PTGES3: variants seen among roughly 807,000 people sequenced by gnomAD.
PTGES3 encodes prostaglandin E synthase 3.
Under a neutral mutation model 29.9 loss-of-function variants are expected in PTGES3, and 5 were observed. The ratio of observed to expected loss-of-function variants is 0.17; its 90% CI spans 0.09 to 0.35. The LOEUF is 0.35. Among genes scored for constraint, PTGES3 ranks in the 10% least tolerant of loss-of-function variants. The pLI is 1.00. For missense variants in PTGES3, 128 were observed against 190.0 expected, an observed-to-expected ratio of 0.67 and a Z score of 1.92; for synonymous variants, 49 against 57.8, an observed-to-expected ratio of 0.85 and a Z score of 0.69.
intron 4 of PTGES3, among the ~76,000 whole-genome samples, 191 bp downstream of exon 4, chr12:56,671,558 C>G (rs1268530306): frequency 1.3e-5 from 2 of 152,160 alleles, no homozygotes; most frequent in Non-Finnish European, 2.9e-5. Flanking sequence ...ACAAAAGATT[C>G]TACACCAGTT....
intron 1 of PTGES3, among the ~76,000 whole-genome samples, chr12:56,674,816 A>T (rs1205574129): frequency 1.0e-5 from 1 of 99,584 alleles, no homozygotes; most frequent in Non-Finnish European, 2.0e-5. Context: ...ACAGAGCAAG[A>T]CTCCATCTCA....
chr12:56,676,920 CAAAAAAAAAAAAAA>C (rs34739170), intron 1 of PTGES3, among the ~76,000 whole-genome samples: 2 of 50,552 alleles, frequency 4.0e-5, no homozygotes, highest in South Asian at 2.5e-3. Flanking sequence ...GATTCCGACT[CAAAAAAAAAAAAAA>C]AAAAAAAAAA....
At chr12:56,677,379 T>C (rs1319589843) in intron 1 of PTGES3, among the ~76,000 whole-genome samples, 1 of 152,114 alleles carries the variant, frequency 6.6e-6, no homozygotes, top group Non-Finnish European at 1.5e-5. Context: ...CTTCCTGGTA[T>C]ATAGTGCCCT....
In PTGES3 at chr12:56,679,338, C is replaced by T. The variant is rs373327486; in HGVS notation, c.3-6273G>A. The stretch of plus-strand genomic sequence containing the variant: ...ATGAGAATCGGTTGAACCCAGGAGG[C>T]GGAGGCTACAGTGAGCTGAGATGTG... On this transcript the variant is annotated intron_variant, in intron 1 of 7. Transcript: ENST00000262033. Among the ~76,000 whole-genome samples the T allele has an allele frequency of 3.0e-4, 39 of 129,618 alleles. No individual in the cohort carries two copies. In the South Asian group the frequency reaches 4.6e-3, roughly 15 times the overall value. The allele number at this position is 129,618 out of a possible 152,430, so 85.0% of individuals were successfully genotyped here.
chr12:56,683,222 C>T lies in PTGES3; in HGVS notation c.2+4776G>A, dbSNP rs1952636676. ...AAATTAGGCCAGATGCAGTGGCTCA[C>T]ACCTGTAATCCCAGCACTTTCTGAG... is the stretch of plus-strand genomic sequence containing the variant. On this transcript the variant is annotated intron_variant, in intron 1 of 7. Coordinates refer to ENST00000262033, the MANE Select transcript of PTGES3 (RefSeq NM_006601.7). 2.6e-5 allele frequency among the ~76,000 whole-genome samples: 4 copies of T among 151,700 alleles called. No homozygotes were observed. In the Admixed American group the frequency reaches 2.6e-4, roughly 10 times the overall value.
chr12:56,669,146 A>G (rs1403200297), intron 5 of PTGES3, among the ~76,000 whole-genome samples: 1 of 151,198 alleles, frequency 6.6e-6, no homozygotes, highest in Non-Finnish European at 1.5e-5. Flanking sequence ...AGTAGCTGGG[A>G]TTACAGGCGT....
chr12:56,675,600 T>C (rs1952203703), intron 1 of PTGES3, among the ~76,000 whole-genome samples: 2 of 151,632 alleles, frequency 1.3e-5, no homozygotes, highest in Non-Finnish European at 2.9e-5. Context: ...TGGCTGACCC[T>C]TTATACAAGT....
chr12:56,675,415 A>G (rs1952190877), intron 1 of PTGES3, among the ~76,000 whole-genome samples: 1 of 151,790 alleles, frequency 6.6e-6, no homozygotes, highest in Non-Finnish European at 1.5e-5. Flanking sequence ...ACCAAAAATG[A>G]TTCCTACATT....
intron 1 of PTGES3, among the ~76,000 whole-genome samples, chr12:56,680,464 C>A (rs1952480702): frequency 6.6e-6 from 1 of 151,962 alleles, no homozygotes; most frequent in African/African-American, 2.4e-5. Context: ...TGCCTCTCTG[C>A]AACCCCTGCT....
chr12:56,664,716 T>C, intron 7 of PTGES3, 60 bp downstream of exon 7: 1 of 1,541,232 alleles, frequency 6.5e-7, no homozygotes, highest in South Asian at 1.2e-5. Flanking sequence ...CATCTCTATT[T>C]TGAGTTTGTT....
chr12:56,681,537 CAAAAAAAAAAAAAA>C (rs34581651), intron 1 of PTGES3, among the ~76,000 whole-genome samples: 3 of 25,686 alleles, frequency 1.2e-4, no homozygotes. Context: ...GACTCCATCT[CAAAAAAAAAAAAAA>C]AAAAAAAAAA....
chr12:56,675,782 G>A (rs1253560631), intron 1 of PTGES3, among the ~76,000 whole-genome samples: 3 of 152,012 alleles, frequency 2.0e-5, no homozygotes, highest in African/African-American at 7.2e-5. Context: ...AATTAGCTGG[G>A]TGTGGTGATG....
chr12:56,667,909 G>C (rs1044099428), intron 5 of PTGES3, among the ~76,000 whole-genome samples: 2 of 152,174 alleles, frequency 1.3e-5, no homozygotes, highest in East Asian at 3.9e-4. Context: ...GGAGTTCGAG[G>C]CTAGCCTGCC....
chr12:56,681,933 G>A (rs1015793480), intron 1 of PTGES3, among the ~76,000 whole-genome samples: 9 of 152,014 alleles, frequency 5.9e-5, no homozygotes, highest in African/African-American at 1.7e-4. Flanking sequence ...CAACCTCCTC[G>A]CCTCCTGGGT....
At chr12:56,685,766 C>G (rs898088016) in intron 1 of PTGES3, among the ~76,000 whole-genome samples, 1 of 115,618 alleles carries the variant, frequency 8.6e-6, no homozygotes, top group Non-Finnish European at 1.7e-5. Flanking sequence ...TACTGCTACA[C>G]TTACTTTTTT....
Position 56,687,483 on chromosome 12 carries a change from T to C in PTGES3, c.2+515A>G, listed in dbSNP as rs951210613. On this transcript the variant is annotated intron_variant, in intron 1 of 7. Transcript: ENST00000262033. The stretch of plus-strand genomic sequence containing the variant: ...CGGCGTGGGCATGGCTTCCTTCTAG[T>C]TGCCTAGCAGTACCTGCAGCTCACG... 4.0e-6 allele frequency: 4 copies of C among 991,228 alleles called. No homozygotes were observed. The African/African-American group carries it at 7.0e-5, about 17-fold the overall frequency. The allele number at this position is 991,228 out of a possible 1,614,324, so 61.4% of individuals were successfully genotyped here.
chr12:56,666,102 A>G (rs1210626352), intron 6 of PTGES3, 102 bp downstream of exon 6: 1 of 1,388,524 alleles, frequency 7.2e-7, no homozygotes, highest in African/African-American at 1.5e-5. Context: ...TTTTTAGAAA[A>G]TAAGAAGTAA....
At chr12:56,667,581 C>G (rs1951836290) in intron 5 of PTGES3, among the ~76,000 whole-genome samples, 1 of 152,192 alleles carries the variant, frequency 6.6e-6, no homozygotes, top group African/African-American at 2.4e-5. Flanking sequence ...ACAAATACTG[C>G]ATGATTCCAC....
At chr12:56,669,901 G>GC (rs1951936232) in intron 5 of PTGES3, among the ~76,000 whole-genome samples, 2 of 149,880 alleles carry the variant, frequency 1.3e-5, no homozygotes, top group Admixed American at 6.7e-5. Flanking sequence ...TGAGCACCGT[G>GC]CCCGGCCAAA....
Sources: allele counts gnomAD v4.1 joint callset (sites outside exome capture counted in the v4.1 genomes callset), GRCh38; gene constraint gnomAD v4.1.1; transcripts MANE v1.5; gene names NCBI Gene and HGNC (gene_info 2026-07-23, HGNC 2026-07-21).